BORCS5: variants seen among roughly 807,000 people sequenced by gnomAD.
BORCS5 encodes the protein BLOC-1-related complex subunit 5.
In BORCS5, 17 loss-of-function variants were observed where a neutral mutation model predicts 22.1. The observed-to-expected ratio is 0.77, with a 90% CI of 0.53 to 1.15. The LOEUF (loss-of-function observed/expected upper bound fraction) is 1.15, where lower values mean the gene tolerates loss of function less well. BORCS5 is among the 50% of genes most tolerant of loss of function. The pLI is 0.00. For synonymous variants in BORCS5, 117 were observed against 99.8 expected (o/e 1.17, Z -1.03); for missense variants, 247 against 253.2 (o/e 0.98, Z 0.17).
intron 2 of BORCS5, among the ~76,000 whole-genome samples, chr12:12,384,424 ATCTAGTATCTTCAATAC>A: frequency 6.7e-6 from 1 of 149,274 alleles, no homozygotes; most frequent in African/African-American, 2.5e-5. Flanking sequence ...TGTCTGCTGT[ATCTAGTATCTTCAATAC>A]TCAGAGGCAA....
chr12:12,453,017 T>A (rs1409613077), intron 3 of BORCS5, among the ~76,000 whole-genome samples: 2 of 152,124 alleles, frequency 1.3e-5, no homozygotes, highest in Non-Finnish European at 2.9e-5. Context: ...GCTAATACCA[T>A]GAGTCAAAGA....
At chr12:12,459,589 C>T (rs1474753787) in intron 3 of BORCS5, among the ~76,000 whole-genome samples, 2 of 152,154 alleles carry the variant, frequency 1.3e-5, no homozygotes, top group South Asian at 2.1e-4. Flanking sequence ...GGATTACAGG[C>T]GTGAGCCACT....
In BORCS5 at chr12:12,470,661, T is replaced by C. The variant is rs1331125641; in HGVS notation, c.*4885T>C. On this transcript the variant is annotated 3_prime_UTR_variant, in exon 4 of 4. Transcript: ENST00000314565. ...TTGGGGACTGCTGTCATAAATAACA[T>C]TGAATTTCATGTGGGTTTTTTTTTT... Among the ~76,000 whole-genome samples, 4 of 128,508 alleles carry C rather than the reference T, an allele frequency of 3.1e-5. No individual in the cohort carries two copies. Among genetic ancestry groups the C allele is most frequent in the Non-Finnish European group, 6.5e-5 (4 of 61,318 alleles). The allele number at this position is 128,508 out of a possible 152,430, so 84.3% of individuals were successfully genotyped here. A position where few individuals can be genotyped will look rare whatever the true frequency, so the allele number is the denominator to read the frequency against.
At chr12:12,364,461 C>T (rs1438752486) in intron 2 of BORCS5, among the ~76,000 whole-genome samples, 3 of 152,234 alleles carry the variant, frequency 2.0e-5, no homozygotes, top group South Asian at 2.1e-4. Flanking sequence ...ATTGTCTTCA[C>T]GTTGAGTAGG....
chr12:12,467,177 A>G lies in BORCS5; in HGVS notation c.*1401A>G, dbSNP rs544200104. 2.6e-5 allele frequency: 4 copies of G among 152,370 alleles called. No homozygotes were observed. The South Asian group carries it at 6.2e-4, about 24-fold the overall frequency. 9.4% of individuals were successfully genotyped at this position (152,370 alleles called of 1,614,324 possible). On this transcript the variant is annotated 3_prime_UTR_variant, in exon 4 of 4. Transcript: ENST00000314565. ...ATTCATATTTCTTTCACCTAGATTG[A>G]CAAAAAGTGGTATATTTAAGACATC... is the stretch of plus-strand genomic sequence containing the variant.
chr12:12,402,015 A>G lies in BORCS5; in HGVS notation c.203-33613A>G, dbSNP rs555500872. Among the ~76,000 whole-genome samples, 20 of 151,322 alleles carry G rather than the reference A, an allele frequency of 1.3e-4. No homozygotes were observed. In the East Asian group the frequency reaches 2.7e-3, roughly 21 times the overall value. On this transcript the variant is annotated intron_variant, in intron 2 of 3. Coordinates refer to ENST00000314565, the MANE Select transcript of BORCS5 (RefSeq NM_058169.6). ...CGGGAGGCGGAGCTTGCAGTGAGCCAAGATGGCGCCACTGCACTTCAGCCT... is the reference window on the plus strand; with the variant it reads ...CGGGAGGCGGAGCTTGCAGTGAGCCGAGATGGCGCCACTGCACTTCAGCCT...
intron 2 of BORCS5, among the ~76,000 whole-genome samples, chr12:12,420,139 G>C (rs1325822355): frequency 6.8e-6 from 1 of 147,466 alleles, no homozygotes; most frequent in African/African-American, 2.6e-5. Context: ...GTCCTGAATG[G>C]TATTGCCTAG....
chr12:12,369,708 A>G (rs377301522), intron 2 of BORCS5, among the ~76,000 whole-genome samples: 3 of 71,296 alleles, frequency 4.2e-5, no homozygotes, highest in African/African-American at 8.8e-5. Context: ...TTCACCCCCC[A>G]CTTCTTTTTT....
At chr12:12,429,776 G>C (rs1032812841) in intron 2 of BORCS5, among the ~76,000 whole-genome samples, 2 of 152,168 alleles carry the variant, frequency 1.3e-5, no homozygotes, top group Non-Finnish European at 2.9e-5. Context: ...CTCTGCTTCA[G>C]CCACCTGGCA....
At chr12:12,423,438 CTTTTTTTTTT>C (rs939681383) in intron 2 of BORCS5, among the ~76,000 whole-genome samples, 32 of 57,254 alleles carry the variant, frequency 5.6e-4, no homozygotes, top group East Asian at 4.2e-3. Flanking sequence ...ACTCCCTCAG[CTTTTTTTTTT>C]TTTTTTTTTT....
intron 2 of BORCS5, among the ~76,000 whole-genome samples, chr12:12,432,414 T>G (rs914211105): frequency 2.0e-5 from 3 of 152,220 alleles, no homozygotes; most frequent in African/African-American, 7.2e-5. Context: ...GAGATTTTAG[T>G]GGTCTGTAGC....
intron 2 of BORCS5, among the ~76,000 whole-genome samples, chr12:12,392,267 A>C (rs902074413): frequency 6.6e-6 from 1 of 151,858 alleles, no homozygotes; most frequent in Non-Finnish European, 1.5e-5. Flanking sequence ...ATGTGATCCA[A>C]AGAGGTTAGG....
chr12:12,388,900 G>A (rs915179379), intron 2 of BORCS5, among the ~76,000 whole-genome samples: 1 of 146,108 alleles, frequency 6.8e-6, no homozygotes, highest in African/African-American at 2.6e-5. Context: ...AATGGTTGAA[G>A]CCAGTCCTCT....
At position 12,357,135 on chromosome 12, in the gene BORCS5, C is replaced by G; in HGVS notation, c.-317C>G. On this transcript the variant is annotated 5_prime_UTR_variant, in exon 1 of 4. Transcript: ENST00000314565. ...CGTGAACCAGTGAGTGAAAGCGGCG[C>G]CGCCCGCCGGCCGCAGGTGCGGCAA... 1 of 1,527,862 alleles carries G rather than the reference C, an allele frequency of 6.5e-7. No homozygotes were observed. Among genetic ancestry groups the G allele is most frequent in the Non-Finnish European group, 8.8e-7 (1 of 1,140,940 alleles). 94.6% of individuals were successfully genotyped at this position (1,527,862 alleles called of 1,614,324 possible).
At chr12:12,401,826 A>G (rs895072310) in intron 2 of BORCS5, among the ~76,000 whole-genome samples, 9 of 152,258 alleles carry the variant, frequency 5.9e-5, no homozygotes, top group Admixed American at 3.9e-4. Flanking sequence ...TGGGAGGCCA[A>G]GGCGGGCGGA....
intron 2 of BORCS5, among the ~76,000 whole-genome samples, chr12:12,373,486 C>CAT (rs746900121): frequency 5.9e-5 from 9 of 152,122 alleles, no homozygotes; most frequent in Non-Finnish European, 1.2e-4. Context: ...ATGAGTGTTT[C>CAT]ATATATTTTT....
chr12:12,362,649 T>TTTA (rs1863314747), intron 2 of BORCS5, among the ~76,000 whole-genome samples: 1 of 141,838 alleles, frequency 7.1e-6, no homozygotes, highest in South Asian at 2.4e-4. Flanking sequence ...TTTTTTTTTT[T>TTTA]TTTTTTTTTT....
chr12:12,420,059 A>G (rs889115833), intron 2 of BORCS5, among the ~76,000 whole-genome samples: 1 of 151,594 alleles, frequency 6.6e-6, no homozygotes, highest in Non-Finnish European at 1.5e-5. Context: ...ATTAGATCCC[A>G]TTTGTCAATT....
intron 3 of BORCS5, among the ~76,000 whole-genome samples, chr12:12,437,406 T>C (rs1942577751): frequency 6.6e-6 from 1 of 152,240 alleles, no homozygotes; most frequent in Admixed American, 6.5e-5. Context: ...TGGATATGTC[T>C]TTATTAGCAA....
Sources: allele counts gnomAD v4.1 joint callset (sites outside exome capture counted in the v4.1 genomes callset), GRCh38; gene constraint gnomAD v4.1.1; transcripts MANE v1.5; gene names NCBI Gene and HGNC (gene_info 2026-07-23, HGNC 2026-07-21).